Variants in CDH2 observed in about 807,000 individuals in gnomAD.
CDH2 encodes the protein cadherin 2.
CDH2 carries 17 observed loss-of-function variants against 92.0 expected under a neutral mutation model. The observed-to-expected ratio is 0.18, with a 90% confidence interval of 0.13 to 0.28. CDH2 has a LOEUF of 0.28. Ranked by LOEUF, CDH2 falls within the 10% of genes least tolerant of loss-of-function variation. CDH2 has a pLI of 1.00. For missense variants in CDH2, 862 were observed against 1,133.1 expected (o/e 0.76, Z 3.44); for synonymous variants, 419 against 415.9 (o/e 1.01, Z -0.09).
At position 27,963,547 on chromosome 18, in the gene CDH2, G is replaced by A. The variant is rs778348501; in HGVS notation, c.2350-26C>T. 6 of 1,606,558 alleles carry A rather than the reference G, an allele frequency of 3.7e-6. No individual in the cohort carries two copies. In the Admixed American group the frequency reaches 8.3e-5, roughly 22 times the overall value. Reference sequence around the variant, plus strand: ...CTGCAAAAAGACAAAATCAAAAACCGATGGGAGATGGGCACAAAGATAGAA... The same window carrying A: ...CTGCAAAAAGACAAAATCAAAAACCAATGGGAGATGGGCACAAAGATAGAA... On this transcript the variant is annotated intron_variant, in intron 14 of 15. Coordinates refer to ENST00000269141, the MANE Select transcript of CDH2 (RefSeq NM_001792.5).
chr18:28,018,604 G>C (rs111246876), intron 2 of CDH2, among the ~76,000 whole-genome samples: 1 of 151,730 alleles, frequency 6.6e-6, no homozygotes, highest in Non-Finnish European at 1.5e-5. Flanking sequence ...ATCAGGGAAA[G>C]GTAAGTCAAA....
intron 2 of CDH2, among the ~76,000 whole-genome samples, chr18:28,129,091 A>G (rs2015725315): frequency 1.3e-5 from 2 of 152,220 alleles, no homozygotes; most frequent in African/African-American, 4.8e-5. Context: ...TCGTATGTTA[A>G]GTAATTTTTA....
At chr18:28,067,845 T>C (rs761195355) in intron 2 of CDH2, among the ~76,000 whole-genome samples, 1 of 152,170 alleles carries the variant, frequency 6.6e-6, no homozygotes, top group African/African-American at 2.4e-5. Context: ...GTAAGGTATA[T>C]CATCTTATGT....
intron 2 of CDH2, among the ~76,000 whole-genome samples, chr18:28,147,136 G>A (rs1364241422): frequency 3.9e-5 from 6 of 152,086 alleles, no homozygotes; most frequent in African/African-American, 1.4e-4. Flanking sequence ...AACTAAATTA[G>A]CTTTCTAGTA....
intron 15 of CDH2, among the ~76,000 whole-genome samples, chr18:27,957,432 G>A (rs1598986914): frequency 7.7e-6 from 1 of 130,398 alleles, no homozygotes; most frequent in African/African-American, 2.7e-5. Context: ...GTTTTTTTTT[G>A]TATAGAGGGT....
chr18:28,155,454 T>C (rs189753730), intron 1 of CDH2, among the ~76,000 whole-genome samples: 4 of 152,300 alleles, frequency 2.6e-5, no homozygotes, highest in Non-Finnish European at 5.9e-5. Flanking sequence ...ATTTTAAAAT[T>C]ATTTTGTGAA....
chr18:27,992,756 C>A lies in CDH2; in HGVS notation c.1243G>T (p.Ala415Ser), dbSNP rs199631702. 6.2e-6 allele frequency: 10 copies of A among 1,613,880 alleles called. No homozygotes were observed. Among genetic ancestry groups the A allele is most frequent in the Non-Finnish European group, 8.5e-6 (10 of 1,179,896 alleles). Reference protein sequence around the residue: ...VTDKDQPHTPAWNAVYRISGG... With the variant: ...VTDKDQPHTPSWNAVYRISGG... ...CTGATTCTGTACACTGCGTTCCAGG[C>A]TGGTGTATGGGGTTGATCCTTATCG... is the stretch of plus-strand genomic sequence containing the variant. The change falls in exon 9 of 16, where the codon GCC becomes TCC. Residue 415 changes from alanine to serine, a missense_variant. Transcript: ENST00000269141.
intron 6 of CDH2, among the ~76,000 whole-genome samples, chr18:27,944,770 A>G (rs1269960092): frequency 1.3e-5 from 2 of 150,148 alleles, no homozygotes; most frequent in Non-Finnish European, 3.0e-5. Context: ...AAAAAAAAAA[A>G]AAAAAAGGCC....
At chr18:28,008,708 G>A (rs150723140) in intron 5 of CDH2, among the ~76,000 whole-genome samples, 65 of 151,394 alleles carry the variant, frequency 4.3e-4, no homozygotes, top group African/African-American at 1.5e-3. Context: ...AAACCTGCAC[G>A]TTGTGCACAT....
chr18:28,044,440 C>T (rs910366275), intron 2 of CDH2, among the ~76,000 whole-genome samples: 2 of 152,096 alleles, frequency 1.3e-5, no homozygotes, highest in Non-Finnish European at 1.5e-5. Context: ...CTATCACACC[C>T]CCTCCCACTG....
intron 6 of CDH2, among the ~76,000 whole-genome samples, chr18:27,936,879 C>G (rs796689680): frequency 6.6e-6 from 1 of 152,048 alleles, no homozygotes; most frequent in East Asian, 1.9e-4. Context: ...TCTGCCTGGG[C>G]TCAAAAAAAC....
At chr18:28,082,964 A>C (rs2014859888) in intron 2 of CDH2, among the ~76,000 whole-genome samples, 1 of 152,204 alleles carries the variant, frequency 6.6e-6, no homozygotes, top group Non-Finnish European at 1.5e-5. Flanking sequence ...AAAGTAGCAG[A>C]GTTTAAAAAT....
intron 2 of CDH2, among the ~76,000 whole-genome samples, chr18:28,073,722 T>A (rs1273870772): frequency 6.6e-6 from 1 of 152,200 alleles, no homozygotes; most frequent in Admixed American, 6.5e-5. Context: ...GTAATCAAGC[T>A]ACTAGTGGGG....
intron 1 of CDH2, among the ~76,000 whole-genome samples, chr18:28,165,314 C>G (rs1409133549): frequency 1.3e-5 from 2 of 152,136 alleles, no homozygotes; most frequent in Admixed American, 6.6e-5. Context: ...TCTGGAATAG[C>G]TGGGACTATA....
rs777857003 is a variant in CDH2 at position 28,003,100 on chromosome 18, T to G, written c.917A>C (p.Tyr306Ser). Residue 306 changes from tyrosine to serine, a missense_variant, in exon 7 of 16, where the codon TAC becomes TCC. This residue lies in a region of CDH2 where 564 missense variants were observed against 722.2 expected (regional missense o/e 0.78). Coordinates refer to ENST00000269141, the MANE Select transcript of CDH2 (RefSeq NM_001792.5). ...DPNALNGMLR[Y>S]RIVSQAPSTP... ...GCTTGGAGCCTGAGACACGATTCTG[T>G]ACCTCAACATCCCATTGAGGGCATT... 1.2e-6 allele frequency: 2 copies of G among 1,613,766 alleles called. No homozygotes were observed. The highest frequency in any genetic ancestry group is 1.3e-5 in the African/African-American group (1 of 74,902).
chr18:28,022,364 T>G (rs1027406607), intron 2 of CDH2, among the ~76,000 whole-genome samples: 1 of 152,014 alleles, frequency 6.6e-6, no homozygotes, highest in Non-Finnish European at 1.5e-5. Context: ...AAATACAGAG[T>G]ATTAGGGAAT....
At chr18:28,153,640 C>A (rs551667782) in intron 1 of CDH2, among the ~76,000 whole-genome samples, 8 of 152,198 alleles carry the variant, frequency 5.3e-5, no homozygotes, top group Non-Finnish European at 1.2e-4. Flanking sequence ...GGCTTTAAAT[C>A]CCAGTCCCAT....
chr18:28,073,082 C>T (rs1599079286), intron 2 of CDH2, among the ~76,000 whole-genome samples: 1 of 151,956 alleles, frequency 6.6e-6, no homozygotes, highest in Admixed American at 6.6e-5. Flanking sequence ...TATAGATGCA[C>T]ATAATACAGA....
chr18:28,129,628 G>C (rs2144289620), intron 2 of CDH2, among the ~76,000 whole-genome samples: 1 of 152,264 alleles, frequency 6.6e-6, no homozygotes, highest in South Asian at 2.1e-4. Flanking sequence ...AGGAGTTTGA[G>C]AACAGCCTGG....
Sources: gnomAD v4.1 joint callset for allele counts (sites outside exome capture counted in the v4.1 genomes callset) on GRCh38, gnomAD v4.1.1 for gene constraint, gnomAD v4.1.1 regional missense constraint, MANE v1.5 for transcripts, NCBI Gene and HGNC (gene_info 2026-07-23, HGNC 2026-07-21) for gene names.